Variants in TRPC7 observed in about 807,000 individuals in gnomAD.
The protein encoded by TRPC7 is short transient receptor potential channel 7.
In TRPC7, 42 loss-of-function variants were observed where a neutral mutation model predicts 90.1. That is an observed-to-expected ratio of 0.47 (90% CI 0.36 to 0.60). The LOEUF (loss-of-function observed/expected upper bound fraction) is 0.60, where lower values mean the gene tolerates loss of function less well. Ranked by LOEUF, TRPC7 falls within the 20% of genes least tolerant of loss-of-function variation. The pLI is 0.00. For missense variants in TRPC7, 955 were observed against 1,112.3 expected, an observed-to-expected ratio of 0.86 and a Z score of 2.01; for synonymous variants, 451 against 436.3, an observed-to-expected ratio of 1.03 and a Z score of -0.42.
intron 2 of TRPC7, among the ~76,000 whole-genome samples, chr5:136,322,978 A>G (rs1759241696): frequency 6.6e-6 from 1 of 152,150 alleles, no homozygotes; most frequent in African/African-American, 2.4e-5. Flanking sequence ...TTTAATTCTG[A>G]TGAAGTCTGA....
chr5:136,239,578 G>A (rs930649611), intron 7 of TRPC7, among the ~76,000 whole-genome samples: 4 of 152,144 alleles, frequency 2.6e-5, no homozygotes, highest in Non-Finnish European at 5.9e-5. Context: ...ATATATCATT[G>A]ATTCTGATGA....
chr5:136,354,913 C>T (rs1044296429), intron 2 of TRPC7, among the ~76,000 whole-genome samples: 4 of 152,218 alleles, frequency 2.6e-5, no homozygotes, highest in Admixed American at 2.0e-4. Context: ...ACCACTCCTA[C>T]TCATTAAGGC....
intron 10 of TRPC7, 62 bp from the exon 11 acceptor site, chr5:136,216,337 G>T: frequency 7.6e-7 from 1 of 1,312,428 alleles, no homozygotes; most frequent in Non-Finnish European, 1.1e-6. Flanking sequence ...CAGCCTGCGT[G>T]GTGTAGCAGG....
chr5:136,356,891 G>C lies in TRPC7; in HGVS notation c.497C>G (p.Thr166Arg). The C allele has an allele frequency of 6.2e-7, 1 of 1,613,916 alleles. No individual in the cohort carries two copies. Reference protein sequence around the residue: ...EDGTRFSHDITPIILAAHCQE... With the variant: ...EDGTRFSHDIRPIILAAHCQE... The stretch of plus-strand genomic sequence containing the variant: ...GCAGTGCGCCGCCAGGATGATGGGC[G>C]TGATGTCGTGGGAGAAGCGCGTGCC... Residue 166 changes from threonine to arginine, a missense_variant, in exon 2 of 12, where the codon ACG becomes AGG. Physicochemically the swap from Thr to Arg is moderately conservative, Grantham distance 71 (BLOSUM62 -1). Coordinates refer to ENST00000513104, the MANE Select transcript of TRPC7 (RefSeq NM_020389.3).
intron 10 of TRPC7, among the ~76,000 whole-genome samples, chr5:136,219,649 C>T (rs1380657052): frequency 1.3e-5 from 2 of 152,112 alleles, no homozygotes; most frequent in Admixed American, 6.5e-5. Context: ...ACCTGTAGTC[C>T]CAGCTACCTG....
Position 136,251,644 on chromosome 5 carries a change from C to G in TRPC7, c.1579+5G>C, listed in dbSNP as rs776124836. The G allele has an allele frequency of 1.3e-6, 2 of 1,593,970 alleles. No homozygotes were observed. Among genetic ancestry groups the G allele is most frequent in the Non-Finnish European group, 1.7e-6 (2 of 1,166,306 alleles). The stretch of plus-strand genomic sequence containing the variant: ...ATGGAGTAGGGGAAGCACTCTCCGA[C>G]TCACCGTAGGTGAAGTATGCCACTT... On this transcript the variant is annotated splice_donor_5th_base_variant and intron_variant, in intron 6 of 11. Transcript: ENST00000513104.
At position 136,357,350 on chromosome 5, in the gene TRPC7, C is replaced by G. The variant is rs143761375; in HGVS notation, c.38G>C (p.Arg13Pro). The change falls in exon 2 of 12, where the codon CGG (arginine) becomes CCG (proline). Residue 13 changes from arginine (R) to proline (P), a missense_variant. Physicochemically the swap from Arg to Pro is moderately radical, Grantham distance 103. Coordinates refer to ENST00000513104, the MANE Select transcript of TRPC7 (RefSeq NM_020389.3). The stretch of plus-strand genomic sequence containing the variant: ...GCCCTTCTCCCTCAGCGTTGTGTGC[C>G]GGCGCTGCATGTTTTTGAAGGTGCT... Reference protein sequence around the residue: ...RNSTFKNMQRRHTTLREKGRR... With the variant: ...RNSTFKNMQRPHTTLREKGRR... 467 of 1,602,406 alleles carry G rather than the reference C, an allele frequency of 2.9e-4. 1 individual carries two copies. The African/African-American group carries it at 5.8e-3, about 20-fold the overall frequency.
intron 7 of TRPC7, among the ~76,000 whole-genome samples, chr5:136,234,553 C>T (rs988160046): frequency 2.6e-5 from 4 of 152,190 alleles, no homozygotes; most frequent in Admixed American, 1.3e-4. Context: ...CATGATCTGC[C>T]CACCTCGGCC....
At chr5:136,291,579 CAAG>C (rs1194018058) in intron 3 of TRPC7, among the ~76,000 whole-genome samples, 1 of 152,166 alleles carries the variant, frequency 6.6e-6, no homozygotes, top group Non-Finnish European at 1.5e-5. Context: ...ATCAATTCAA[CAAG>C]AAGAACTAAC....
At chr5:136,360,005 A>G (rs770847087) in intron 1 of TRPC7, among the ~76,000 whole-genome samples, 6 of 152,188 alleles carry the variant, frequency 3.9e-5, no homozygotes, top group Non-Finnish European at 8.8e-5. Flanking sequence ...AAGCTGCAAT[A>G]CAGCTTGATT....
intron 3 of TRPC7, among the ~76,000 whole-genome samples, chr5:136,275,218 G>C (rs1453052672): frequency 6.6e-6 from 1 of 152,178 alleles, no homozygotes; most frequent in Non-Finnish European, 1.5e-5. Context: ...CAGAGGAATG[G>C]ATGGAGCATG....
Position 136,251,753 on chromosome 5 carries a change from G to C in TRPC7, c.1475C>G (p.Ala492Gly), listed in dbSNP as rs1192302035. Reference sequence around the variant, plus strand: ...CTGTGCCTCCGTGGCCTTCAGGAAGGCCATGAAGCGTGCTGTGAAGGAGGC... The same window carrying C: ...CTGTGCCTCCGTGGCCTTCAGGAAGCCCATGAAGCGTGCTGTGAAGGAGGC... ...FVASFTARFM[A>G]FLKATEAQLY... is the part of the protein sequence containing the mutation. Residue 492 changes from alanine to glycine, a missense_variant, in exon 6 of 12, where the codon GCC (alanine) becomes GGC (glycine). This residue lies in a region of TRPC7 where 484 missense variants were observed against 509.6 expected (regional missense o/e 0.95). Coordinates refer to ENST00000513104, the MANE Select transcript of TRPC7 (RefSeq NM_020389.3). The C allele has an allele frequency of 2.5e-6, 4 of 1,613,844 alleles. No individual in the cohort carries two copies. The highest frequency in any genetic ancestry group is 8.5e-7 in the Non-Finnish European group (1 of 1,179,892).
At chr5:136,363,303 G>A (rs936659196) in intron 1 of TRPC7, among the ~76,000 whole-genome samples, 26 of 152,084 alleles carry the variant, frequency 1.7e-4, no homozygotes, top group African/African-American at 6.3e-4. Context: ...TTGAAATTGA[G>A]GTGAGATAGT....
chr5:136,363,760 T>G (rs1442125419), intron 1 of TRPC7, among the ~76,000 whole-genome samples: 1 of 152,166 alleles, frequency 6.6e-6, no homozygotes, highest in Non-Finnish European at 1.5e-5. Context: ...TATCCTCAGT[T>G]TTTTCAAACT....
chr5:136,296,614 C>T (rs1256868255), intron 3 of TRPC7, among the ~76,000 whole-genome samples: 1 of 152,164 alleles, frequency 6.6e-6, no homozygotes. Context: ...TTACATTCTA[C>T]TGCCAGGTGG....
intron 5 of TRPC7, among the ~76,000 whole-genome samples, chr5:136,256,178 A>T (rs561491132): frequency 2.5e-4 from 38 of 152,278 alleles, no homozygotes; most frequent in African/African-American, 8.4e-4. Context: ...CCTGTTCATC[A>T]GACATGATGG....
intron 3 of TRPC7, among the ~76,000 whole-genome samples, chr5:136,307,262 T>C (rs1432936433): frequency 6.6e-6 from 1 of 152,202 alleles, no homozygotes; most frequent in Admixed American, 6.5e-5. Flanking sequence ...TGAAACTTTG[T>C]ACTCTTTGAT....
chr5:136,339,135 A>G (rs181922012), intron 2 of TRPC7, among the ~76,000 whole-genome samples: 151 of 152,328 alleles, frequency 9.9e-4, no homozygotes, highest in South Asian at 2.7e-3. Flanking sequence ...CTGAAGGAGA[A>G]GAGGAATGTT....
At chr5:136,363,937 A>G (rs1760645636) in intron 1 of TRPC7, among the ~76,000 whole-genome samples, 1 of 152,236 alleles carries the variant, frequency 6.6e-6, no homozygotes, top group African/African-American at 2.4e-5. Context: ...AAGTTTTGAT[A>G]GCTTTATTTT....
Sources: gnomAD v4.1 joint callset for allele counts (sites outside exome capture counted in the v4.1 genomes callset) on GRCh38, gnomAD v4.1.1 for gene constraint, gnomAD v4.1.1 regional missense constraint, MANE v1.5 for transcripts, NCBI Gene and HGNC (gene_info 2026-07-23, HGNC 2026-07-21) for gene names.